The following RSRC1 variants were observed in gnomAD, a reference collection of about 807,000 sequenced individuals.
The protein encoded by RSRC1 is arginine and serine rich coiled-coil 1, also known as serine/Arginine-related protein 53.
A neutral mutation model predicts 49.1 loss-of-function variants in RSRC1; 39 were observed. That is an observed-to-expected ratio of 0.79 (90% CI 0.61 to 1.04). RSRC1 has a LOEUF of 1.04. Among genes scored for constraint, RSRC1 ranks in the 50% least tolerant of loss-of-function variants. The pLI is 0.00. For missense variants in RSRC1, 388 were observed against 402.4 expected, an observed-to-expected ratio of 0.96 and a Z score of 0.31; for synonymous variants, 143 against 130.8, an observed-to-expected ratio of 1.09 and a Z score of -0.63.
chr3:158,334,527 C>G (rs2108201913), intron 5 of RSRC1, among the ~76,000 whole-genome samples: 1 of 149,966 alleles, frequency 6.7e-6, no homozygotes, highest in South Asian at 2.1e-4. Flanking sequence ...TGTCGCCAGG[C>G]TGGAGTGCAG....
intron 3 of RSRC1, among the ~76,000 whole-genome samples, chr3:158,161,101 CT>C (rs1347140301): frequency 5.3e-5 from 8 of 152,132 alleles, no homozygotes; most frequent in Non-Finnish European, 8.8e-5. Flanking sequence ...GTGCTAATGT[CT>C]TTATATTAGT....
intron 6 of RSRC1, among the ~76,000 whole-genome samples, chr3:158,413,346 G>A (rs931901917): frequency 2.6e-5 from 4 of 152,100 alleles, no homozygotes; most frequent in Non-Finnish European, 5.9e-5. Context: ...ACTCAAGATG[G>A]ATTGAAGACT....
chr3:158,319,615 C>T (rs1235288121), intron 5 of RSRC1, among the ~76,000 whole-genome samples: 4 of 152,148 alleles, frequency 2.6e-5, no homozygotes, highest in Non-Finnish European at 5.9e-5. Flanking sequence ...TAAATGTGGA[C>T]TAAACCATCG....
chr3:158,206,301 G>C (rs77672287), intron 4 of RSRC1, among the ~76,000 whole-genome samples: 2,422 of 152,256 alleles, frequency 0.016, 35 homozygotes, highest in Non-Finnish European at 0.026. Flanking sequence ...TAGTCTCTGT[G>C]TCAGGGAAGG....
At chr3:158,328,329 G>C (rs1326117380) in intron 5 of RSRC1, among the ~76,000 whole-genome samples, 1 of 152,118 alleles carries the variant, frequency 6.6e-6, no homozygotes, top group Admixed American at 6.6e-5. Flanking sequence ...TCCTAGCATC[G>C]ATGGTCTTTA....
intron 4 of RSRC1, among the ~76,000 whole-genome samples, chr3:158,225,303 G>A (rs369517174): frequency 6.6e-6 from 1 of 151,964 alleles, no homozygotes; most frequent in South Asian, 2.1e-4. Context: ...TTGAAGACAG[G>A]TATGGGTTTT....
intron 4 of RSRC1, among the ~76,000 whole-genome samples, chr3:158,266,755 C>T (rs1484152169): frequency 1.3e-5 from 2 of 151,428 alleles, no homozygotes; most frequent in African/African-American, 4.9e-5. Flanking sequence ...TTTTTTTTCC[C>T]CCTCTTTTTG....
At chr3:158,266,005 A>G (rs555960260) in intron 4 of RSRC1, among the ~76,000 whole-genome samples, 2 of 152,104 alleles carry the variant, frequency 1.3e-5, no homozygotes, top group African/African-American at 2.4e-5. Context: ...TAAATTTCCT[A>G]TATATATGGG....
chr3:158,127,148 ACTT>A (rs1715679965), intron 3 of RSRC1, among the ~76,000 whole-genome samples: 2 of 152,064 alleles, frequency 1.3e-5, no homozygotes, highest in African/African-American at 4.8e-5. Flanking sequence ...AGTCTTTTGA[ACTT>A]CTTAAATTTG....
intron 7 of RSRC1, among the ~76,000 whole-genome samples, chr3:158,471,057 T>C (rs1483948959): frequency 6.6e-6 from 1 of 152,200 alleles, no homozygotes; most frequent in Non-Finnish European, 1.5e-5. Flanking sequence ...TATGAGGCCA[T>C]AGAGCAAGAT....
At chr3:158,346,908 T>C (rs996839050) in intron 5 of RSRC1, among the ~76,000 whole-genome samples, 6 of 152,198 alleles carry the variant, frequency 3.9e-5, no homozygotes, top group Admixed American at 1.3e-4. Flanking sequence ...GGTATATCCT[T>C]ACAGTGGAAT....
At chr3:158,298,506 T>G (rs568987659) in intron 5 of RSRC1, among the ~76,000 whole-genome samples, 1 of 152,238 alleles carries the variant, frequency 6.6e-6, no homozygotes, top group Admixed American at 6.5e-5. Context: ...TCCTGATGTC[T>G]TTGCTTTATG....
chr3:158,143,734 A>C (rs1716895722), intron 3 of RSRC1, among the ~76,000 whole-genome samples: 1 of 152,218 alleles, frequency 6.6e-6, no homozygotes. Context: ...GGGGTAATAA[A>C]GCAGGAAGGA....
intron 4 of RSRC1, among the ~76,000 whole-genome samples, chr3:158,239,496 C>A (rs574016759): frequency 6.7e-6 from 1 of 148,642 alleles, no homozygotes. Flanking sequence ...GAAAATGTGG[C>A]ACATATACAC....
intron 6 of RSRC1, among the ~76,000 whole-genome samples, chr3:158,426,478 A>AT (rs1425108740): frequency 1.3e-5 from 2 of 151,670 alleles, no homozygotes; most frequent in African/African-American, 4.8e-5. Context: ...TGGGAACCGC[A>AT]TGTATTTTAA....
chr3:158,415,710 T>A (rs1734704665), intron 6 of RSRC1, among the ~76,000 whole-genome samples: 1 of 152,090 alleles, frequency 6.6e-6, no homozygotes, highest in East Asian at 1.9e-4. Flanking sequence ...TTGGTTGTTA[T>A]TTCAGACAGA....
chr3:158,208,641 G>C (rs1198302860), intron 4 of RSRC1, among the ~76,000 whole-genome samples: 2 of 152,162 alleles, frequency 1.3e-5, no homozygotes, highest in African/African-American at 4.8e-5. Flanking sequence ...AAAGCACTAG[G>C]ATTACAGGAG....
intron 3 of RSRC1, among the ~76,000 whole-genome samples, chr3:158,176,056 T>C (rs369726928): frequency 3.3e-5 from 5 of 152,160 alleles, no homozygotes; most frequent in African/African-American, 9.7e-5. Context: ...TCACTATTGC[T>C]ACAAAGAGAA....
chr3:158,184,397 C>G (rs1289761478), intron 3 of RSRC1, among the ~76,000 whole-genome samples: 1 of 152,038 alleles, frequency 6.6e-6, no homozygotes, highest in African/African-American at 2.4e-5. Context: ...GAGCATATAA[C>G]ACAGTGCAGT....
Sources: gnomAD v4.1 joint callset for allele counts (sites outside exome capture counted in the v4.1 genomes callset) on GRCh38, gnomAD v4.1.1 for gene constraint, MANE v1.5 for transcripts, NCBI Gene and HGNC (gene_info 2026-07-23, HGNC 2026-07-21) for gene names.